Variants in MAP4K4 observed in about 807,000 individuals in gnomAD.
MAP4K4 encodes HPK/GCK-like kinase HGK.
MAP4K4 carries 38 observed loss-of-function variants against 189.6 expected under a neutral mutation model. The observed-to-expected ratio is 0.20, with a 90% CI of 0.15 to 0.26. MAP4K4 has a LOEUF of 0.26. Ranked by LOEUF, MAP4K4 falls within the 10% of genes least tolerant of loss-of-function variation. The pLI, the probability that MAP4K4 is intolerant of heterozygous loss-of-function variation, is 1.00. For synonymous variants in MAP4K4, 610 were observed against 624.3 expected (o/e 0.98, Z 0.34); for missense variants, 1,054 against 1,726.9 (o/e 0.61, Z 6.91).
chr2:101,752,297 C>T (rs1379227356), intron 2 of MAP4K4, among the ~76,000 whole-genome samples: 1 of 152,162 alleles, frequency 6.6e-6, no homozygotes, highest in East Asian at 1.9e-4. Context: ...GGGAATCACA[C>T]TTGGTCATAC....
intron 26 of MAP4K4, among the ~76,000 whole-genome samples, chr2:101,876,062 G>A (rs986601718): frequency 3.3e-5 from 5 of 152,186 alleles, no homozygotes; most frequent in Admixed American, 3.3e-4. Flanking sequence ...GGAAAGGAGG[G>A]ACAGAGAAGG....
intron 12 of MAP4K4, among the ~76,000 whole-genome samples, chr2:101,855,340 T>A (rs1444788905): frequency 6.6e-6 from 1 of 152,238 alleles, no homozygotes. Flanking sequence ...CTTTCGCATC[T>A]GTAAAGCAGG....
chr2:101,893,186 A>G (rs567885743), exon 33 of MAP4K4: 2 of 456,410 alleles, frequency 4.4e-6, no homozygotes, highest in African/African-American at 4.0e-5. Flanking sequence ...TGAGCTACAA[A>G]CATCTGGTAA....
At chr2:101,715,114 A>G (rs940470201) in intron 2 of MAP4K4, among the ~76,000 whole-genome samples, 6 of 152,202 alleles carry the variant, frequency 3.9e-5, no homozygotes, top group African/African-American at 1.2e-4. Context: ...CAGAAGTCCA[A>G]GATTGAGGTG....
At chr2:101,856,225 T>C (rs919871521) in intron 13 of MAP4K4, 87 bp downstream of exon 13, 5 of 1,289,178 alleles carry the variant, frequency 3.9e-6, no homozygotes, top group South Asian at 1.4e-5. Context: ...TATACACACA[T>C]GTGATGCATA....
rs1438491506 is a variant in MAP4K4, at chr2:101,790,646, C to T, written c.124-74C>T. The T allele has an allele frequency of 2.9e-6, 3 of 1,048,234 alleles. No homozygotes were observed. In the African/African-American group the frequency reaches 4.7e-5, roughly 16 times the overall value. The allele number at this position is 1,048,234 out of a possible 1,614,324, so 64.9% of individuals were successfully genotyped here. A position where few individuals can be genotyped will look rare whatever the true frequency, so the allele number is the denominator to read the frequency against. On this transcript the variant is annotated intron_variant, in intron 2 of 32. Coordinates refer to ENST00000324219, the Ensembl canonical transcript of MAP4K4. ...TAGTTGAGATACGATTTGTTGGAAA[C>T]TTCAGCCATTTTGTTCTAATGATTG...
At chr2:101,830,056 A>G (rs900143541) in intron 6 of MAP4K4, among the ~76,000 whole-genome samples, 3 of 151,430 alleles carry the variant, frequency 2.0e-5, no homozygotes, top group South Asian at 2.1e-4. Context: ...TTGCATGACT[A>G]TTTCCCATTG....
chr2:101,806,543 T>G (rs1368223552), intron 3 of MAP4K4, among the ~76,000 whole-genome samples: 2 of 152,008 alleles, frequency 1.3e-5, no homozygotes, highest in Admixed American at 6.6e-5. Context: ...GCCCGGCTTA[T>G]TTTTATATAT....
exon 26 of MAP4K4, chr2:101,874,133 C>T: frequency 6.2e-7 from 1 of 1,613,902 alleles, no homozygotes; most frequent in African/African-American, 1.3e-5. Flanking sequence ...CAAGATCCTA[C>T]CCGGAAAGGC....
chr2:101,775,671 T>C (rs2083700708), intron 2 of MAP4K4, among the ~76,000 whole-genome samples: 1 of 152,076 alleles, frequency 6.6e-6, no homozygotes, highest in Non-Finnish European at 1.5e-5. Context: ...CGGAAAAAAA[T>C]TCTTCAAATT....
chr2:101,752,655 A>T (rs1307446565), intron 2 of MAP4K4, among the ~76,000 whole-genome samples: 3 of 152,166 alleles, frequency 2.0e-5, no homozygotes, highest in Non-Finnish European at 2.9e-5. Flanking sequence ...ATGAGGATGA[A>T]TTTGAGGTAA....
At chr2:101,820,667 G>C (rs146514831) in intron 3 of MAP4K4, among the ~76,000 whole-genome samples, 1 of 152,154 alleles carries the variant, frequency 6.6e-6, no homozygotes, top group Non-Finnish European at 1.5e-5. Context: ...GGCCACTACC[G>C]TGTGCTAAGT....
intron 26 of MAP4K4, 142 bp downstream of exon 26, chr2:101,874,394 T>A: frequency 2.9e-6 from 2 of 695,036 alleles, no homozygotes; most frequent in Non-Finnish European, 4.8e-6. Context: ...ATATGCAGAG[T>A]GGTATATTAG....
At chr2:101,698,077 G>T in exon 1 of MAP4K4, 1 of 1,322,394 alleles carries the variant, frequency 7.6e-7, no homozygotes, top group East Asian at 5.4e-5. Context: ...GGCAAAAAGG[G>T]AAAATGGCGA....
chr2:101,807,930 C>T (rs151315861), intron 3 of MAP4K4, among the ~76,000 whole-genome samples: 1 of 152,218 alleles, frequency 6.6e-6, no homozygotes, highest in Non-Finnish European at 1.5e-5. Context: ...GAGAAACCCA[C>T]CTCATGATCT....
At chr2:101,805,072 CA>C (rs36081384) in intron 3 of MAP4K4, among the ~76,000 whole-genome samples, 16,845 of 56,550 alleles carry the variant, frequency 0.3, 1,108 homozygotes, top group African/African-American at 0.45. Flanking sequence ...GACTCCAGAT[CA>C]AAAAAAAAAA....
At chr2:101,797,889 G>GTGGTTTTTT (rs1553478618) in intron 3 of MAP4K4, among the ~76,000 whole-genome samples, 1 of 52,304 alleles carries the variant, frequency 1.9e-5, no homozygotes, top group Non-Finnish European at 3.3e-5. Flanking sequence ...CATTCTTTTA[G>GTGGTTTTTT]TTTTTTTTTT....
intron 2 of MAP4K4, among the ~76,000 whole-genome samples, chr2:101,782,230 A>T (rs2087991388): frequency 6.6e-6 from 1 of 152,198 alleles, no homozygotes; most frequent in South Asian, 2.1e-4. Flanking sequence ...AAAATGACTC[A>T]TTTATTGGGG....
At chr2:101,728,022 A>G (rs953909747) in intron 2 of MAP4K4, among the ~76,000 whole-genome samples, 14 of 152,070 alleles carry the variant, frequency 9.2e-5, no homozygotes, top group Non-Finnish European at 1.8e-4. Context: ...CAGGGAGAAA[A>G]CGTGTAGCAT....
Sources: gnomAD v4.1 joint callset for allele counts (sites outside exome capture counted in the v4.1 genomes callset) on GRCh38, gnomAD v4.1.1 for gene constraint, MANE v1.5 for transcripts, NCBI Gene and HGNC (gene_info 2026-07-23, HGNC 2026-07-21) for gene names.